Variants in SYT13 observed in about 807,000 individuals in gnomAD.
SYT13 encodes synaptotagmin 13.
SYT13 carries 21 observed loss-of-function variants against 38.6 expected under a neutral mutation model. The observed-to-expected ratio is 0.54, with a 90% CI of 0.39 to 0.78. The LOEUF (loss-of-function observed/expected upper bound fraction) is 0.78, where lower values mean the gene tolerates loss of function less well. Ranked by LOEUF, SYT13 falls within the 30% of genes least tolerant of loss-of-function variation. The pLI, the probability that SYT13 is intolerant of heterozygous loss-of-function variation, is 0.00. For synonymous variants in SYT13, 241 were observed against 237.6 expected, an observed-to-expected ratio of 1.01 and a Z score of -0.13; for missense variants, 495 against 548.7, an observed-to-expected ratio of 0.90 and a Z score of 0.98.
At chr11:45,269,908 G>A (rs1242568149) in intron 1 of SYT13, among the ~76,000 whole-genome samples, 4 of 152,204 alleles carry the variant, frequency 2.6e-5, no homozygotes, top group African/African-American at 7.2e-5. Flanking sequence ...TTTCATTTGT[G>A]CCCTGAACAA....
intron 1 of SYT13, among the ~76,000 whole-genome samples, chr11:45,279,058 T>C (rs1353093153): frequency 6.6e-6 from 1 of 152,234 alleles, no homozygotes; most frequent in Non-Finnish European, 1.5e-5. Context: ...TAGACACTTT[T>C]ATGCCATATC....
At chr11:45,285,863 C>CCCCT in intron 1 of SYT13, 162 bp downstream of exon 1, 1 of 879,252 alleles carries the variant, frequency 1.1e-6, no homozygotes, top group Non-Finnish European at 1.8e-6. Context: ...ATCCCCCTAC[C>CCCCT]TTTTTGACTC....
chr11:45,270,483 C>T (rs532933689), intron 1 of SYT13, among the ~76,000 whole-genome samples: 116 of 152,220 alleles, frequency 7.6e-4, no homozygotes, highest in African/African-American at 2.7e-3. Flanking sequence ...ATTGATGAAA[C>T]CATTAACTAG....
In SYT13 at chr11:45,244,222, C is replaced by G; in HGVS notation, c.1111G>C (p.Ala371Pro). Residue 371 changes from alanine to proline, a missense_variant, in exon 6 of 6, where the codon GCC (alanine) becomes CCC (proline). Coordinates refer to ENST00000020926, the MANE Select transcript of SYT13 (RefSeq NM_020826.3). Reference sequence around the variant, plus strand: ...AGCACTTCCAGCTCCACACTGGAGGCCTGCAGCAGGTCGTCAGGCAGCTCA... The same window carrying G: ...AGCACTTCCAGCTCCACACTGGAGGGCTGCAGCAGGTCGTCAGGCAGCTCA... ...MFELPDDLLQASSVELEVLGQ... is the reference protein window; with the variant it reads ...MFELPDDLLQPSSVELEVLGQ... 3 of 1,614,068 alleles carry G rather than the reference C, an allele frequency of 1.9e-6. No individual in the cohort carries two copies. The highest frequency in any genetic ancestry group is 1.7e-6 in the Non-Finnish European group (2 of 1,180,052).
chr11:45,245,680 G>A (rs1854605734), intron 5 of SYT13, among the ~76,000 whole-genome samples: 1 of 152,232 alleles, frequency 6.6e-6, no homozygotes, highest in African/African-American at 2.4e-5. Flanking sequence ...AGGAGAGCTT[G>A]TTTTGGTCTC....
chr11:45,269,695 A>T (rs1854926133), intron 1 of SYT13, among the ~76,000 whole-genome samples: 1 of 152,226 alleles, frequency 6.6e-6, no homozygotes, highest in Non-Finnish European at 1.5e-5. Flanking sequence ...TAGCTAATAT[A>T]TGAAAACATT....
intron 1 of SYT13, among the ~76,000 whole-genome samples, chr11:45,260,921 T>G (rs577828012): frequency 4.3e-4 from 66 of 152,126 alleles, no homozygotes; most frequent in Non-Finnish European, 8.2e-4. Flanking sequence ...CCCTGGGACT[T>G]CTCCATGCCT....
chr11:45,245,348 A>C (rs1166240940), intron 5 of SYT13, among the ~76,000 whole-genome samples: 1 of 152,226 alleles, frequency 6.6e-6, no homozygotes, highest in Admixed American at 6.5e-5. Flanking sequence ...TTAGTTTGTT[A>C]TTTCTACAGA....
At chr11:45,267,970 G>A (rs1034789878) in intron 1 of SYT13, among the ~76,000 whole-genome samples, 4 of 151,906 alleles carry the variant, frequency 2.6e-5, no homozygotes, top group African/African-American at 9.7e-5. Flanking sequence ...CGCCTCCCTC[G>A]TAGCTCACCT....
At chr11:45,268,100 G>C (rs1255282860) in intron 1 of SYT13, among the ~76,000 whole-genome samples, 1 of 152,160 alleles carries the variant, frequency 6.6e-6, no homozygotes, top group Admixed American at 6.5e-5. Context: ...GAGATTTGTT[G>C]GTGGGTAAGC....
chr11:45,259,468 T>C lies in SYT13; in HGVS notation c.184-3577A>G, dbSNP rs559223054. ...GCCTCAAGTCTTGACACTCTGGCTCTGCCTTCCTCCCTCCTCAGTGGATCT... is the reference window on the plus strand; with the variant it reads ...GCCTCAAGTCTTGACACTCTGGCTCCGCCTTCCTCCCTCCTCAGTGGATCT... On this transcript the variant is annotated intron_variant, in intron 1 of 5. Coordinates refer to ENST00000020926, the MANE Select transcript of SYT13 (RefSeq NM_020826.3). 5.9e-5 allele frequency among the ~76,000 whole-genome samples: 9 copies of C among 152,358 alleles called. No individual in the cohort carries two copies. The South Asian group carries it at 1.9e-3, about 32-fold the overall frequency.
At position 45,254,400 on chromosome 11, in the gene SYT13, C is replaced by A. The variant is rs61738988; in HGVS notation, c.414G>T (p.Val138=). ...TCTCCATGACACAGACATCCTCCAC[C>A]ACACCTGTTAAGAAAGTCGAAATCG... ...EELFILPQNG[V]VEDVCVMETW... Residue 138 remains valine, a synonymous_variant, in exon 3 of 6, where the codon GTG becomes GTT. Coordinates refer to ENST00000020926, the MANE Select transcript of SYT13 (RefSeq NM_020826.3). 436 of 1,612,012 alleles carry A rather than the reference C, an allele frequency of 2.7e-4. 1 individual carries two copies. In the African/African-American group the frequency reaches 5.2e-3, roughly 19 times the overall value.
At chr11:45,280,605 G>A (rs1855060305) in intron 1 of SYT13, among the ~76,000 whole-genome samples, 1 of 152,158 alleles carries the variant, frequency 6.6e-6, no homozygotes, top group Non-Finnish European at 1.5e-5. Context: ...CACGTCAAGA[G>A]GCAGAGCATG....
chr11:45,284,476 C>G (rs987373135), intron 1 of SYT13, among the ~76,000 whole-genome samples: 3 of 152,136 alleles, frequency 2.0e-5, no homozygotes, highest in African/African-American at 7.2e-5. Context: ...ATGACCTCTT[C>G]CAAGCTCAGT....
intron 2 of SYT13, 114 bp from the exon 3 acceptor site, chr11:45,254,518 C>T (rs1405762464): frequency 1.4e-6 from 2 of 1,459,416 alleles, no homozygotes; most frequent in Non-Finnish European, 1.8e-6. Flanking sequence ...GTCTTCCCAG[C>T]TGTGTGCAGA....
intron 3 of SYT13, 191 bp downstream of exon 3, chr11:45,254,079 T>C: frequency 1.9e-6 from 1 of 518,192 alleles, no homozygotes; most frequent in Non-Finnish European, 3.0e-6. Context: ...CAACCAGGAA[T>C]CCCCACTTTG....
rs990936285 is a variant in SYT13, at chr11:45,286,334, G to A, written c.-127C>T. Reference sequence around the variant, plus strand: ...CTCCCGCCGCCAGAGGGGCGGGGACGGAGGGAGGGAGGACGGCTGCGAGGA... The same window carrying A: ...CTCCCGCCGCCAGAGGGGCGGGGACAGAGGGAGGGAGGACGGCTGCGAGGA... On this transcript the variant is annotated 5_prime_UTR_variant, in exon 1 of 6. Coordinates refer to ENST00000020926, the MANE Select transcript of SYT13 (RefSeq NM_020826.3). The A allele has an allele frequency of 1.8e-6, 2 of 1,135,380 alleles. No homozygotes were observed. Among genetic ancestry groups the A allele is most frequent in the African/African-American group, 3.3e-5 (2 of 60,830 alleles). 70.3% of individuals were successfully genotyped at this position (1,135,380 alleles called of 1,614,324 possible). A position where few individuals can be genotyped will look rare whatever the true frequency, so the allele number is the denominator to read the frequency against.
chr11:45,246,980 G>T (rs1262669360), intron 4 of SYT13, among the ~76,000 whole-genome samples: 3 of 152,152 alleles, frequency 2.0e-5, no homozygotes, highest in African/African-American at 7.2e-5. Context: ...TGTTTGAAAA[G>T]ATAGTTCTTT....
intron 5 of SYT13, 39 bp downstream of exon 5, chr11:45,246,344 G>C: frequency 6.2e-7 from 1 of 1,607,044 alleles, no homozygotes; most frequent in Non-Finnish European, 8.5e-7. Flanking sequence ...ACTCCCGGTA[G>C]CTGGAGGGGC....
Sources: gnomAD v4.1 joint callset for allele counts (sites outside exome capture counted in the v4.1 genomes callset) on GRCh38, gnomAD v4.1.1 for gene constraint, MANE v1.5 for transcripts, NCBI Gene and HGNC (gene_info 2026-07-23, HGNC 2026-07-21) for gene names.